CHD9: variants seen among roughly 807,000 people sequenced by gnomAD.
CHD9 encodes the protein ATP-dependent chromatin remodeler CHD9.
A neutral mutation model predicts 316.1 loss-of-function variants in CHD9; 77 were observed. The ratio of observed to expected loss-of-function variants is 0.24; its 90% CI spans 0.20 to 0.29. CHD9 has a LOEUF of 0.29. Ranked by LOEUF, CHD9 falls within the 10% of genes least tolerant of loss-of-function variation. CHD9 has a pLI of 1.00. For synonymous variants in CHD9, 1,129 were observed against 1,158.3 expected, an observed-to-expected ratio of 0.97 and a Z score of 0.51; for missense variants, 2,763 against 3,438.1, an observed-to-expected ratio of 0.80 and a Z score of 4.91.
intron 31 of CHD9, 71 bp downstream of exon 31, chr16:53,304,696 T>TTC (rs200586566): frequency 5.6e-5 from 54 of 971,132 alleles, no homozygotes; most frequent in Middle Eastern, 7.3e-4. Context: ...TTCTTTTCTT[T>TTC]TTTTTTTTTT....
intron 1 of CHD9, among the ~76,000 whole-genome samples, chr16:53,091,991 T>C (rs775686572): frequency 1.1e-4 from 16 of 152,308 alleles, no homozygotes; most frequent in Non-Finnish European, 1.6e-4. Flanking sequence ...CTCTTTCAAA[T>C]TGAGTCTGTC....
intron 24 of CHD9, among the ~76,000 whole-genome samples, chr16:53,277,425 C>T (rs2052958351): frequency 2.0e-5 from 3 of 152,046 alleles, no homozygotes; most frequent in Admixed American, 2.0e-4. Flanking sequence ...AAGTGGGTTA[C>T]ATACCAGGGA....
intron 1 of CHD9, among the ~76,000 whole-genome samples, chr16:53,069,472 G>C (rs1169848895): frequency 3.3e-5 from 5 of 152,072 alleles, no homozygotes; most frequent in African/African-American, 1.2e-4. Context: ...TTTACTTTCT[G>C]TCTTTGTGAG....
At chr16:53,320,273 C>G (rs1274110825) in intron 37 of CHD9, among the ~76,000 whole-genome samples, 1 of 151,000 alleles carries the variant, frequency 6.6e-6, no homozygotes, top group East Asian at 1.9e-4. Flanking sequence ...GTAATGACAA[C>G]ACTTTGGGAG....
intron 1 of CHD9, among the ~76,000 whole-genome samples, chr16:53,109,673 G>GTTTTTTTT (rs1472499524): frequency 6.0e-5 from 5 of 82,972 alleles, no homozygotes; most frequent in African/African-American, 1.5e-4. Context: ...TGGATTCCCA[G>GTTTTTTTT]TTTCTTTTTT....
chr16:53,122,848 AG>A (rs2038803022), intron 1 of CHD9, among the ~76,000 whole-genome samples: 1 of 150,560 alleles, frequency 6.6e-6, no homozygotes, highest in Admixed American at 6.6e-5. Context: ...CTGGGACTAT[AG>A]GCGCCCGCTA....
rs572466818 is a variant in CHD9, at chr16:53,123,028, A to G, written c.-164-32898A>G. On this transcript the variant is annotated intron_variant, in intron 1 of 38. Coordinates refer to ENST00000447540, the MANE Select transcript of CHD9 (RefSeq NM_001308319.2). ...CACCGCGCCCGGCCCACACCCAGCT[A>G]ATTTTTATATTTTTAGTACAGATGG... is the stretch of plus-strand genomic sequence containing the variant. Among the ~76,000 whole-genome samples, 685 of 143,806 alleles carry G rather than the reference A, an allele frequency of 4.8e-3. 2 individuals carry two copies. The highest frequency in any genetic ancestry group is 0.018 in the African/African-American group (672 of 38,292). 94.3% of individuals were successfully genotyped at this position (143,806 alleles called of 152,430 possible). A position where few individuals can be genotyped will look rare whatever the true frequency, so the allele number is the denominator to read the frequency against.
intron 2 of CHD9, chr16:53,208,179 T>G (rs2046032564): frequency 9.1e-7 from 1 of 1,098,158 alleles, no homozygotes. Flanking sequence ...AATCAAAATG[T>G]GTATTTGTGG....
intron 1 of CHD9, among the ~76,000 whole-genome samples, chr16:53,080,215 A>C (rs551559948): frequency 6.6e-6 from 1 of 152,356 alleles, no homozygotes; most frequent in East Asian, 1.9e-4. Context: ...GGGCAGAAAC[A>C]GATCTTAGGA....
rs890685263 is a variant in CHD9 at position 53,247,731 on chromosome 16, A to G, written c.3665+228A>G. The G allele has an allele frequency of 1.3e-5, 5 of 395,002 alleles. No individual in the cohort carries two copies. In the Admixed American group the frequency reaches 1.3e-4, roughly 10 times the overall value. 24.5% of individuals were successfully genotyped at this position (395,002 alleles called of 1,614,324 possible). A position where few individuals can be genotyped will look rare whatever the true frequency, so the allele number is the denominator to read the frequency against. On this transcript the variant is annotated intron_variant, in intron 16 of 38. Transcript: ENST00000447540. ...GGAGTCCAATTAAGAAAAGCTTGCAAATAAATATTTGTTTACCCAGGAATG... is the reference window on the plus strand; with the variant it reads ...GGAGTCCAATTAAGAAAAGCTTGCAGATAAATATTTGTTTACCCAGGAATG...
chr16:53,182,553 T>C, intron 2 of CHD9, among the ~76,000 whole-genome samples: 1 of 152,224 alleles, frequency 6.6e-6, no homozygotes, highest in South Asian at 2.1e-4. Flanking sequence ...TTGATCTGGG[T>C]CATTTGATAC....
At chr16:53,101,734 G>A (rs571613753) in intron 1 of CHD9, among the ~76,000 whole-genome samples, 62 of 152,292 alleles carry the variant, frequency 4.1e-4, no homozygotes, top group African/African-American at 1.4e-3. Context: ...CTTTTCTAAG[G>A]AGAGTACCCT....
At chr16:53,252,713 C>G (rs900161544) in intron 17 of CHD9, among the ~76,000 whole-genome samples, 4 of 141,354 alleles carry the variant, frequency 2.8e-5, no homozygotes, top group African/African-American at 1.0e-4. Flanking sequence ...AAAAAAAAAA[C>G]AGTTCCATCA....
chr16:53,226,301 A>T, intron 4 of CHD9, 65 bp from the exon 5 acceptor site: 1 of 1,141,420 alleles, frequency 8.8e-7, no homozygotes, highest in Non-Finnish European at 1.2e-6. Context: ...CTCTAGGGGT[A>T]ATTATTTTCA....
At chr16:53,188,517 A>G (rs2044215954) in intron 2 of CHD9, among the ~76,000 whole-genome samples, 1 of 150,256 alleles carries the variant, frequency 6.7e-6, no homozygotes, top group South Asian at 2.1e-4. Context: ...CTTGGTATAA[A>G]GTAATGTCTT....
intron 19 of CHD9, among the ~76,000 whole-genome samples, chr16:53,257,626 G>A (rs1287863984): frequency 6.6e-6 from 1 of 152,086 alleles, no homozygotes; most frequent in Non-Finnish European, 1.5e-5. Flanking sequence ...GATAGAGAAG[G>A]ACATTTATAT....
intron 29 of CHD9, among the ~76,000 whole-genome samples, chr16:53,293,562 G>GT (rs1387714489): frequency 3.3e-5 from 5 of 152,158 alleles, no homozygotes; most frequent in Non-Finnish European, 5.9e-5. Flanking sequence ...GCTGCAGTGA[G>GT]ATGTGATTGT....
chr16:53,121,046 T>C (rs1026096883), intron 1 of CHD9, among the ~76,000 whole-genome samples: 4 of 152,080 alleles, frequency 2.6e-5, no homozygotes, highest in Non-Finnish European at 5.9e-5. Context: ...CCTATAAACA[T>C]ACCAATTACA....
At chr16:53,081,707 C>T (rs1458052137) in intron 1 of CHD9, among the ~76,000 whole-genome samples, 1 of 152,064 alleles carries the variant, frequency 6.6e-6, no homozygotes, top group Non-Finnish European at 1.5e-5. Context: ...CTTACCTCAG[C>T]CTCCCAAGTA....
Sources: allele counts gnomAD v4.1 joint callset (sites outside exome capture counted in the v4.1 genomes callset), GRCh38; gene constraint gnomAD v4.1.1; transcripts MANE v1.5; gene names NCBI Gene and HGNC (gene_info 2026-07-23, HGNC 2026-07-21).